ZNF462: variants seen among roughly 807,000 people sequenced by gnomAD.
ZNF462 encodes zinc finger protein 462.
ZNF462 carries 10 observed loss-of-function variants against 201.9 expected under a neutral mutation model. The observed-to-expected ratio is 0.05, with a 90% CI of 0.03 to 0.08. The LOEUF (loss-of-function observed/expected upper bound fraction) is 0.08. Ranked by LOEUF, ZNF462 falls within the 10% of genes least tolerant of loss-of-function variation. The probability of loss-of-function intolerance (pLI) is 1.00; values close to 1 mark genes in which losing one functional copy is unlikely to be tolerated. For synonymous variants in ZNF462, 1,227 were observed against 1,193.3 expected, an observed-to-expected ratio of 1.03 and a Z score of -0.58; for missense variants, 2,523 against 3,168.3, an observed-to-expected ratio of 0.80 and a Z score of 4.89.
intron 1 of ZNF462, among the ~76,000 whole-genome samples, chr9:106,903,308 A>G (rs950485452): frequency 6.6e-6 from 1 of 151,814 alleles, no homozygotes; most frequent in Non-Finnish European, 1.5e-5. Context: ...AATAATTTTA[A>G]TTTTCTGAAA....
intron 1 of ZNF462, among the ~76,000 whole-genome samples, chr9:106,888,062 G>A (rs1828400838): frequency 6.9e-6 from 1 of 144,020 alleles, no homozygotes; most frequent in African/African-American, 2.6e-5. Flanking sequence ...TTTTTTTTGA[G>A]ACGGAGTCTC....
rs554832865 is a variant in ZNF462, at chr9:106,866,786, C to T, written c.-31+3431C>T. 1.7e-4 allele frequency among the ~76,000 whole-genome samples: 26 copies of T among 152,276 alleles called. No homozygotes were observed. The South Asian group carries it at 5.2e-3, about 30-fold the overall frequency. The stretch of plus-strand genomic sequence containing the variant: ...AACTGGGTGTCCAAACTGGGAAGTT[C>T]AGTTGCAATGGATAAAGAGTTATTT... On this transcript the variant is annotated intron_variant, in intron 1 of 12. Transcript: ENST00000277225.
At chr9:106,983,724 C>G (rs1827617491) in intron 9 of ZNF462, among the ~76,000 whole-genome samples, 1 of 152,036 alleles carries the variant, frequency 6.6e-6, no homozygotes, top group African/African-American at 2.4e-5. Context: ...TAGAAAGGTA[C>G]CAGAACATAG....
rs118073603 is a variant in ZNF462, at chr9:106,873,677, G to A, written c.-31+10322G>A. On this transcript the variant is annotated intron_variant, in intron 1 of 12. Transcript: ENST00000277225. ...TCTATTTAGATCATGGAGATGTGAT[G>A]AGTGCTTTGGTTTTATTTGCCTGTC... 7.4e-4 allele frequency among the ~76,000 whole-genome samples: 112 copies of A among 152,306 alleles called. 1 individual carries two copies. Among genetic ancestry groups the A allele is most frequent in the Middle Eastern group, 3.4e-3 (1 of 294 alleles).
At chr9:106,957,063 CTGTT>C (rs1484531427) in intron 7 of ZNF462, among the ~76,000 whole-genome samples, 1 of 152,172 alleles carries the variant, frequency 6.6e-6, no homozygotes, top group Non-Finnish European at 1.5e-5. Flanking sequence ...ACTTGACTAA[CTGTT>C]TGGCACAAGA....
At chr9:106,997,695 C>T (rs1023049489) in intron 10 of ZNF462, among the ~76,000 whole-genome samples, 1 of 152,046 alleles carries the variant, frequency 6.6e-6, no homozygotes, top group East Asian at 1.9e-4. Flanking sequence ...TTTTCTTTCC[C>T]TCATTCCCAT....
chr9:106,951,851 G>T (rs12336054), intron 7 of ZNF462, among the ~76,000 whole-genome samples: 6,164 of 140,566 alleles, frequency 0.044, 382 homozygotes, highest in African/African-American at 0.14. Flanking sequence ...ACAGTGTTGT[G>T]TTTTTTTTTT....
chr9:106,987,902 C>A (rs1465278138), intron 10 of ZNF462, among the ~76,000 whole-genome samples: 1 of 152,148 alleles, frequency 6.6e-6, no homozygotes, highest in Non-Finnish European at 1.5e-5. Context: ...TATCCCAGCA[C>A]CATTTGTTGA....
upstream of ZNF462, among the ~76,000 whole-genome samples, chr9:106,861,541 C>G (rs78756504): frequency 1.3e-5 from 2 of 152,240 alleles, no homozygotes; most frequent in Non-Finnish European, 2.9e-5. Context: ...CTTTCTGCCC[C>G]GCGCGCTGCG....
chr9:106,943,059 C>CGCGCGCGT (rs374167214), intron 7 of ZNF462, among the ~76,000 whole-genome samples: 1 of 143,154 alleles, frequency 7.0e-6, no homozygotes, highest in African/African-American at 2.6e-5. Context: ...TTTGCGCGCG[C>CGCGCGCGT]GTGTGTGTGT....
rs146384082 is a variant in ZNF462 at position 106,997,110 on chromosome 9, TC to T, written c.7057-6176del. 4.6e-5 allele frequency among the ~76,000 whole-genome samples: 7 copies of T among 151,452 alleles called. No homozygotes were observed. In the South Asian group the frequency reaches 6.3e-4, roughly 14 times the overall value. On this transcript the variant is annotated intron_variant, in intron 10 of 12. Transcript: ENST00000277225. The stretch of plus-strand genomic sequence containing the variant: ...TTTGGCTGAATATCTTTTCTTTCTT[TC>T]CCCCCCCAGCTTTATTGAGGTATAA...
intron 1 of ZNF462, among the ~76,000 whole-genome samples, chr9:106,893,276 C>T (rs1828669486): frequency 1.3e-5 from 2 of 152,174 alleles, no homozygotes; most frequent in Non-Finnish European, 2.9e-5. Context: ...CCAGCCCTTT[C>T]CAGTACACCA....
intron 10 of ZNF462, among the ~76,000 whole-genome samples, chr9:106,990,895 T>G (rs754533095): frequency 4.3e-4 from 66 of 151,998 alleles, no homozygotes; most frequent in Non-Finnish European, 8.2e-4. Context: ...GAAACTGAAT[T>G]TTTGGCTGAC....
At position 106,886,457 on chromosome 9, in the gene ZNF462, A is replaced by T. The variant is rs969036807; in HGVS notation, c.-31+23102A>T. Among the ~76,000 whole-genome samples the T allele has an allele frequency of 6.6e-6, 1 of 152,240 alleles. No homozygotes were observed. The highest frequency in any genetic ancestry group is 2.4e-5 in the African/African-American group (1 of 41,456). The stretch of plus-strand genomic sequence containing the variant: ...ATCCTGGTTTTAAAAATAAAATGCC[A>T]GGATGCCACCCTGAGGATCCAGACA... On this transcript the variant is annotated intron_variant, in intron 1 of 12. Transcript: ENST00000277225. The surrounding 1 kb of genome is among the most constrained non-coding windows in gnomAD (Gnocchi z 4.6).
At position 106,978,937 on chromosome 9, in the gene ZNF462, C is replaced by T. The variant is rs35536141; in HGVS notation, c.6832+4664C>T. 6,329 of 315,534 alleles carry T rather than the reference C, an allele frequency of 0.02. 608 individuals are homozygous for T. Among genetic ancestry groups the T allele is most frequent in the African/African-American group, 0.13 (5,787 of 43,252 alleles). The allele number at this position is 315,534 out of a possible 1,614,324, so 19.5% of individuals were successfully genotyped here. A position where few individuals can be genotyped will look rare whatever the true frequency, so the allele number is the denominator to read the frequency against. The stretch of plus-strand genomic sequence containing the variant: ...ATGGCTTCTACCAGCTTAGCCAAAG[C>T]GCCTTTGTCTTCCAAGTTAATGTGT... On this transcript the variant is annotated intron_variant, in intron 9 of 12. Coordinates refer to ENST00000277225, the MANE Select transcript of ZNF462 (RefSeq NM_021224.6). The surrounding 1 kb of genome is among the most constrained non-coding windows in gnomAD (Gnocchi z 4.1).
chr9:106,871,903 G>T (rs754072158), intron 1 of ZNF462, among the ~76,000 whole-genome samples: 2 of 152,172 alleles, frequency 1.3e-5, no homozygotes, highest in Non-Finnish European at 2.9e-5. Context: ...AAGAAATGAA[G>T]AACAAAGACA....
At chr9:106,975,432 T>G (rs1283067671) in intron 9 of ZNF462, 1 of 152,220 alleles carries the variant, frequency 6.6e-6, no homozygotes, top group Admixed American at 6.5e-5. Context: ...TGTGACATAC[T>G]CACCCATGTT....
intron 1 of ZNF462, among the ~76,000 whole-genome samples, chr9:106,873,416 C>CTT (rs551556868): frequency 0.062 from 8,976 of 145,446 alleles, 469 homozygotes; most frequent in African/African-American, 0.15. Context: ...ATGCTGGTGA[C>CTT]TTTTTTTTTT....
At chr9:106,971,148 TA>T (rs1184074390) in intron 7 of ZNF462, among the ~76,000 whole-genome samples, 9 of 152,202 alleles carry the variant, frequency 5.9e-5, no homozygotes, top group Non-Finnish European at 1.0e-4. Flanking sequence ...AAAACATTTT[TA>T]TATTTGTGTG....
Sources: gnomAD v4.1 joint callset for allele counts (sites outside exome capture counted in the v4.1 genomes callset) on GRCh38, gnomAD v4.1.1 for gene constraint, Gnocchi (gnomAD v3.1) non-coding constraint, MANE v1.5 for transcripts, NCBI Gene and HGNC (gene_info 2026-07-23, HGNC 2026-07-21) for gene names.